TMEM201: variants seen among roughly 807,000 people sequenced by gnomAD.
TMEM201 encodes RP13-15M17.2.
TMEM201 carries 26 observed loss-of-function variants against 63.4 expected under a neutral mutation model. The observed-to-expected ratio is 0.41, with a 90% CI of 0.30 to 0.57. The LOEUF (loss-of-function observed/expected upper bound fraction) is 0.57. Ranked by LOEUF, TMEM201 falls within the 20% of genes least tolerant of loss-of-function variation. The pLI, the probability that TMEM201 is intolerant of heterozygous loss-of-function variation, is 0.29. For synonymous variants in TMEM201, 417 were observed against 421.6 expected, an observed-to-expected ratio of 0.99 and a Z score of 0.14; for missense variants, 794 against 917.7, an observed-to-expected ratio of 0.87 and a Z score of 1.74.
intron 6 of TMEM201, chr1:9,602,826 T>C (rs1569941983): frequency 3.0e-6 from 3 of 986,614 alleles, no homozygotes; most frequent in Non-Finnish European, 3.6e-6. Context: ...GTCTGTCCCC[T>C]TGGTCCTGCT....
intron 1 of TMEM201, among the ~76,000 whole-genome samples, chr1:9,592,786 G>A (rs934096345): frequency 4.6e-5 from 7 of 152,170 alleles, no homozygotes; most frequent in African/African-American, 1.2e-4. Context: ...ATCTCCCTCC[G>A]GGCTTCCTCA....
At chr1:9,595,771 A>C in intron 1 of TMEM201, 119 bp from the exon 2 acceptor site, 3 of 1,453,776 alleles carry the variant, frequency 2.1e-6, no homozygotes, top group Non-Finnish European at 2.8e-6. Context: ...TTGCATCCCC[A>C]GATCCCAGAT....
Position 9,602,222 on chromosome 1 carries a change from G to T in TMEM201, c.1110G>T (p.Ala370=), listed in dbSNP as rs746237705. ...TGTGCTGCCTGGTTGGCTTCACGGC[G>T]GCTGTGGCCACAAGGAAGGCAACGG... ...TSLCCLVGFT[A]AVATRKATGP... is the part of the protein sequence containing the mutation. Residue 370 remains alanine, a synonymous_variant, in exon 6 of 11, where the codon GCG becomes GCT. Transcript: ENST00000340381. 6 of 1,612,612 alleles carry T rather than the reference G, an allele frequency of 3.7e-6. No individual in the cohort carries two copies. The highest frequency in any genetic ancestry group is 5.1e-6 in the Non-Finnish European group (6 of 1,179,952).
intron 9 of TMEM201, among the ~76,000 whole-genome samples, chr1:9,611,343 G>A (rs539914576): frequency 2.0e-5 from 3 of 152,176 alleles, no homozygotes; most frequent in African/African-American, 4.8e-5. Context: ...GACTACAGGT[G>A]CGCGCCACCA....
In TMEM201 at chr1:9,604,498, C is replaced by T. The variant is rs906939911; in HGVS notation, c.1160+2226C>T. The T allele has an allele frequency of 3.8e-5, 37 of 985,360 alleles. No individual in the cohort carries two copies. The African/African-American group carries it at 5.8e-4, about 15-fold the overall frequency. The allele number at this position is 985,360 out of a possible 1,614,324, so 61.0% of individuals were successfully genotyped here. A position where few individuals can be genotyped will look rare whatever the true frequency, so the allele number is the denominator to read the frequency against. On this transcript the variant is annotated intron_variant, in intron 6 of 10. Transcript: ENST00000340381. The surrounding 1 kb of genome is among the most constrained non-coding windows in gnomAD (Gnocchi z 4.1). ...AACAGCTGAGAGAGTGCAGGCACCA[C>T]TGTGTTGTGGCTTGTTGACCGGGAA...
At chr1:9,600,959 G>T in intron 4 of TMEM201, 146 bp from the exon 5 acceptor site, 1 of 651,764 alleles carries the variant, frequency 1.5e-6, no homozygotes. Context: ...AGGCGGGCCG[G>T]TGGAACTGAG....
At chr1:9,591,381 T>C (rs1478547425) in intron 1 of TMEM201, among the ~76,000 whole-genome samples, 2 of 152,242 alleles carry the variant, frequency 1.3e-5, no homozygotes, top group Admixed American at 6.5e-5. Context: ...AGCTTCAACC[T>C]CTGGGTGCTC....
In TMEM201 at chr1:9,601,429, G is replaced by A; in HGVS notation, c.931G>A (p.Ala311Thr). ...VALGLLTCLLAMLLAGRIRLR... is the reference protein window; with the variant it reads ...VALGLLTCLLTMLLAGRIRLR... ...ACTGGGCCTACTCACCTGCCTGCTG[G>A]CAATGCTGCTGGCTGGCCGCATCAG... Residue 311 changes from alanine (A) to threonine (T), a missense_variant, in exon 5 of 11, where the codon GCA (alanine) becomes ACA (threonine). Ala to Thr is a moderately conservative substitution (Grantham distance 58, BLOSUM62 0). Transcript: ENST00000340381. 1 of 1,592,236 alleles carries A rather than the reference G, an allele frequency of 6.3e-7. No individual in the cohort carries two copies. Among genetic ancestry groups the A allele is most frequent in the Non-Finnish European group, 8.5e-7 (1 of 1,173,558 alleles).
rs769147044 is a variant in TMEM201, at chr1:9,611,715, C to A, written c.1766-38C>A. ...CCCCGCGTCTGTCCCTGGAGGGAGC[C>A]ATGAGCGCCACTGAGAAACACACCC... On this transcript the variant is annotated intron_variant, in intron 9 of 10. Coordinates refer to ENST00000340381, the MANE Select transcript of TMEM201 (RefSeq NM_001130924.3). 20 of 1,550,884 alleles carry A rather than the reference C, an allele frequency of 1.3e-5. No homozygotes were observed. In the Middle Eastern group the frequency reaches 1.0e-3, roughly 78 times the overall value.
rs946194032 is a variant in TMEM201 at position 9,613,441 on chromosome 1, A to G, written c.*358A>G. The G allele has an allele frequency of 6.4e-6, 2 of 311,168 alleles. No homozygotes were observed. The highest frequency in any genetic ancestry group is 1.2e-5 in the Non-Finnish European group (2 of 165,240). 19.3% of individuals were successfully genotyped at this position (311,168 alleles called of 1,614,324 possible). ...ACGCCAGTACTACTGTAACTGCAGC[A>G]GGAGCTGCCCGGCCTGCCTTCTGGC... On this transcript the variant is annotated 3_prime_UTR_variant, in exon 11 of 11. Transcript: ENST00000340381.
chr1:9,604,756 T>C lies in TMEM201; in HGVS notation c.1160+2484T>C. The C allele has an allele frequency of 2.0e-6, 2 of 986,006 alleles. No individual in the cohort carries two copies. Among genetic ancestry groups the C allele is most frequent in the Non-Finnish European group, 2.4e-6 (2 of 830,024 alleles). 61.1% of individuals were successfully genotyped at this position (986,006 alleles called of 1,614,324 possible). On this transcript the variant is annotated intron_variant, in intron 6 of 10. Coordinates refer to ENST00000340381, the MANE Select transcript of TMEM201 (RefSeq NM_001130924.3). This position sits in a 1 kb window ranked among gnomAD's most constrained non-coding sequence, Gnocchi z 4.1. Reference sequence around the variant, plus strand: ...CAGGACGCAGCCTCCACGCCGCACCTGCCACATTCAGCCCTGCCCAGGAAG... The same window carrying C: ...CAGGACGCAGCCTCCACGCCGCACCCGCCACATTCAGCCCTGCCCAGGAAG...
rs1644155405 is a variant in TMEM201 at position 9,602,145 on chromosome 1, C to G, written c.1033C>G (p.Gln345Glu). ...LGLHLAEQHL[Q>E]AASPSWLDTL... ...GCTGCACCTGGCTGAGCAGCACCTG[C>G]AGGCCGCCTCGCCTAGCTGGCTAGA... is the stretch of plus-strand genomic sequence containing the variant. The change falls in exon 6 of 11, where the codon CAG (glutamine) becomes GAG (glutamate). Residue 345 changes from glutamine (Q) to glutamate (E), a missense_variant. Gln to Glu is a conservative substitution (Grantham distance 29). Coordinates refer to ENST00000340381, the MANE Select transcript of TMEM201 (RefSeq NM_001130924.3). 6.2e-7 allele frequency: 1 copy of G among 1,612,966 alleles called. No individual in the cohort carries two copies. The highest frequency in any genetic ancestry group is 8.5e-7 in the Non-Finnish European group (1 of 1,179,994).
chr1:9,601,923 A>G, intron 5 of TMEM201, 146 bp from the exon 6 acceptor site: 1 of 924,104 alleles, frequency 1.1e-6, no homozygotes, highest in South Asian at 1.9e-5. Flanking sequence ...GTAGCGTGTG[A>G]GTGTGAGGGG....
chr1:9,595,853 G>A, intron 1 of TMEM201, 37 bp from the exon 2 acceptor site: 2 of 1,610,480 alleles, frequency 1.2e-6, no homozygotes, highest in Non-Finnish European at 1.7e-6. Context: ...AGGTGCTGGG[G>A]TCTTCCAGGC....
At chr1:9,596,154 C>A in intron 2 of TMEM201, 144 bp downstream of exon 2, 1 of 1,117,134 alleles carries the variant, frequency 9.0e-7, no homozygotes, top group Non-Finnish European at 1.3e-6. Context: ...AGGCCCTGAG[C>A]ATGGTGTTTC....
In TMEM201 at chr1:9,610,711, C is replaced by T. The variant is rs747113023; in HGVS notation, c.1671C>T (p.Ser557=). Residue 557 remains serine, a synonymous_variant, in exon 9 of 11, where the codon TCC becomes TCT. Coordinates refer to ENST00000340381, the MANE Select transcript of TMEM201 (RefSeq NM_001130924.3). The surrounding 1 kb of genome is among the most constrained non-coding windows in gnomAD (Gnocchi z 4.9). ...AGGCCCCCACCACGCCCAGCAGCTC[C>T]GATGAGCACTCGCCTCACAACGGCA... The part of the protein sequence containing the change: ...PGEAPTTPSS[S]DEHSPHNGSL... 54 of 1,550,440 alleles carry T rather than the reference C, an allele frequency of 3.5e-5. No homozygotes were observed. Among genetic ancestry groups the T allele is most frequent in the Non-Finnish European group, 4.6e-5 (53 of 1,146,912 alleles).
chr1:9,590,026 G>C (rs1189094693), intron 1 of TMEM201, among the ~76,000 whole-genome samples: 1 of 152,184 alleles, frequency 6.6e-6, no homozygotes, highest in Non-Finnish European at 1.5e-5. Context: ...TCTCCTCCAG[G>C]GGGGAAACGG....
chr1:9,614,018 C>T lies in TMEM201; in HGVS notation c.*935C>T, dbSNP rs1183867644. 6.6e-6 allele frequency: 1 copy of T among 152,298 alleles called. No homozygotes were observed. Among genetic ancestry groups the T allele is most frequent in the Non-Finnish European group, 1.5e-5 (1 of 68,116 alleles). The allele number at this position is 152,298 out of a possible 1,614,324, so 9.4% of individuals were successfully genotyped here. ...CTTCCCCTGGTTCTCTTGCCCACTCCCCTGCTGGGGCTCCTTCCTGGCACT... is the reference window on the plus strand; with the variant it reads ...CTTCCCCTGGTTCTCTTGCCCACTCTCCTGCTGGGGCTCCTTCCTGGCACT... On this transcript the variant is annotated 3_prime_UTR_variant, in exon 11 of 11. Transcript: ENST00000340381.
intron 1 of TMEM201, among the ~76,000 whole-genome samples, chr1:9,594,895 G>A (rs1643987568): frequency 6.6e-6 from 1 of 152,274 alleles, no homozygotes; most frequent in Non-Finnish European, 1.5e-5. Context: ...GCCTCAGGAT[G>A]AAAGGCCAGA....
Sources: allele counts gnomAD v4.1 joint callset (sites outside exome capture counted in the v4.1 genomes callset), GRCh38; gene constraint gnomAD v4.1.1; non-coding constraint Gnocchi (gnomAD v3.1); transcripts MANE v1.5; gene names NCBI Gene and HGNC (gene_info 2026-07-23, HGNC 2026-07-21).